Variants in ARPP21 observed in about 807,000 individuals in gnomAD.
The protein encoded by ARPP21 is cAMP-regulated phosphoprotein 21.
ARPP21 carries 69 observed loss-of-function variants against 113.2 expected under a neutral mutation model. The ratio of observed to expected loss-of-function variants is 0.61; its 90% confidence interval spans 0.50 to 0.74. ARPP21 has a LOEUF of 0.74. ARPP21 is among the 30% of genes least tolerant of loss of function. ARPP21 has a pLI of 0.00. For synonymous variants in ARPP21, 368 were observed against 375.5 expected (o/e 0.98, Z 0.23); for missense variants, 1,070 against 1,037.4 (o/e 1.03, Z -0.43).
chr3:35,780,516 G>A (rs1255973512), intron 19 of ARPP21, among the ~76,000 whole-genome samples: 1 of 152,040 alleles, frequency 6.6e-6, no homozygotes, highest in African/African-American at 2.4e-5. Flanking sequence ...AATGAACTAA[G>A]AGAGTAGAGA....
chr3:35,668,082 T>C (rs996479263), intron 1 of ARPP21, among the ~76,000 whole-genome samples: 4 of 151,696 alleles, frequency 2.6e-5, no homozygotes, highest in Non-Finnish European at 5.9e-5. Flanking sequence ...AACACAAATT[T>C]CCCTCTCAGG....
intron 1 of ARPP21, among the ~76,000 whole-genome samples, chr3:35,654,971 C>T (rs1297945190): frequency 1.3e-5 from 2 of 151,750 alleles, no homozygotes; most frequent in Non-Finnish European, 2.9e-5. Context: ...TCTTTGTTTT[C>T]CCATTTACCT....
At chr3:35,659,631 A>G (rs1427111362) in intron 1 of ARPP21, among the ~76,000 whole-genome samples, 1 of 152,204 alleles carries the variant, frequency 6.6e-6, no homozygotes, top group Non-Finnish European at 1.5e-5. Flanking sequence ...AGAGACATCA[A>G]GGTGAACACA....
In ARPP21 at chr3:35,794,028, A is replaced by G. The variant is rs542856154; in HGVS notation, c.*70A>G. 1.4e-6 allele frequency: 2 copies of G among 1,423,432 alleles called. No homozygotes were observed. The highest frequency in any genetic ancestry group is 1.4e-5 in the African/African-American group (1 of 70,718). The allele number at this position is 1,423,432 out of a possible 1,614,324, so 88.2% of individuals were successfully genotyped here. Reference sequence around the variant, plus strand: ...TTGATGGAAGAGGAACAAGGTGGGAAAACTGGCTGAGGACTTAAGTATTCA... The same window carrying G: ...TTGATGGAAGAGGAACAAGGTGGGAGAACTGGCTGAGGACTTAAGTATTCA... On this transcript the variant is annotated 3_prime_UTR_variant, in exon 21 of 21. Coordinates refer to ENST00000684406, the MANE Select transcript of ARPP21 (RefSeq NM_001385562.1).
chr3:35,661,763 T>C (rs1707926447), intron 1 of ARPP21, among the ~76,000 whole-genome samples: 1 of 152,180 alleles, frequency 6.6e-6, no homozygotes, highest in African/African-American at 2.4e-5. Context: ...TTGTATTTAT[T>C]GTGTTACCTT....
chr3:35,691,078 A>G (rs1271275373), intron 9 of ARPP21, 73 bp downstream of exon 9: 3 of 1,482,322 alleles, frequency 2.0e-6, no homozygotes, highest in Non-Finnish European at 1.8e-6. Flanking sequence ...TCACAGTATA[A>G]AATTCACAGT....
intron 1 of ARPP21, among the ~76,000 whole-genome samples, chr3:35,668,713 C>A (rs759388109): frequency 1.3e-5 from 2 of 152,130 alleles, no homozygotes; most frequent in Non-Finnish European, 2.9e-5. Flanking sequence ...GTGAGACTGA[C>A]TAAAAGTAGT....
At chr3:35,650,491 T>C (rs1189214877) in intron 1 of ARPP21, 2 of 152,122 alleles carry the variant, frequency 1.3e-5, no homozygotes, top group Non-Finnish European at 2.9e-5. Context: ...ATATCTTGGA[T>C]GATAAAGTAA....
At chr3:35,793,474 C>T (rs1272438821) in intron 20 of ARPP21, among the ~76,000 whole-genome samples, 1 of 152,170 alleles carries the variant, frequency 6.6e-6, no homozygotes, top group Non-Finnish European at 1.5e-5. Flanking sequence ...CCCTTCAATC[C>T]TTTCAATGGT....
At chr3:35,661,697 T>C (rs1167548263) in intron 1 of ARPP21, among the ~76,000 whole-genome samples, 1 of 152,218 alleles carries the variant, frequency 6.6e-6, no homozygotes, top group African/African-American at 2.4e-5. Context: ...AGAGTACTTT[T>C]GTAGGCAACA....
chr3:35,754,187 G>A (rs1034169868), intron 19 of ARPP21, among the ~76,000 whole-genome samples: 1 of 151,748 alleles, frequency 6.6e-6, no homozygotes, highest in Non-Finnish European at 1.5e-5. Flanking sequence ...AAGAGTTGAT[G>A]ATTCTTTAAA....
chr3:35,700,597 C>G (rs554915040), intron 9 of ARPP21, among the ~76,000 whole-genome samples: 5 of 151,356 alleles, frequency 3.3e-5, no homozygotes, highest in South Asian at 2.1e-4. Flanking sequence ...GATTAGAAAA[C>G]TTGCAAGAAA....
chr3:35,785,347 A>G (rs1358791224), intron 19 of ARPP21: 1 of 152,184 alleles, frequency 6.6e-6, no homozygotes, highest in Non-Finnish European at 1.5e-5. Flanking sequence ...TCAGCACAGC[A>G]CTATGGGCCA....
chr3:35,682,957 T>G lies in ARPP21; in HGVS notation c.171+68T>G, dbSNP rs2079413977. The G allele has an allele frequency of 4.9e-6, 7 of 1,418,476 alleles. No individual in the cohort carries two copies. The Admixed American group carries it at 1.4e-4, about 29-fold the overall frequency. 87.9% of individuals were successfully genotyped at this position (1,418,476 alleles called of 1,614,324 possible). ...TAAATTACATATTTTACATCAGAGT[T>G]AAAGGATTTGCCAGCATTTCAGATG... On this transcript the variant is annotated intron_variant, in intron 4 of 20. Coordinates refer to ENST00000684406, the MANE Select transcript of ARPP21 (RefSeq NM_001385562.1).
At chr3:35,743,716 G>T in intron 18 of ARPP21, 123 bp from the exon 19 acceptor site, 1 of 970,986 alleles carries the variant, frequency 1.0e-6, no homozygotes, top group East Asian at 2.5e-5. Flanking sequence ...ATAGGCATGG[G>T]AGAAGTTTGC....
chr3:35,681,640 G>A, intron 2 of ARPP21, 74 bp from the exon 3 acceptor site: 1 of 761,912 alleles, frequency 1.3e-6, no homozygotes, highest in Admixed American at 2.9e-5. Context: ...AATATGAAAG[G>A]AGAAATGAAA....
chr3:35,642,951 A>C (rs1698685832), intron 1 of ARPP21, among the ~76,000 whole-genome samples: 1 of 152,140 alleles, frequency 6.6e-6, no homozygotes, highest in African/African-American at 2.4e-5. Flanking sequence ...TATTTTAAAA[A>C]TATAAGTAGC....
At chr3:35,663,818 G>T (rs1272960316) in intron 1 of ARPP21, among the ~76,000 whole-genome samples, 1 of 152,126 alleles carries the variant, frequency 6.6e-6, no homozygotes, top group Non-Finnish European at 1.5e-5. Context: ...AATTGGATTT[G>T]GACCTGGAAT....
intron 19 of ARPP21, among the ~76,000 whole-genome samples, chr3:35,778,934 A>G (rs543118060): frequency 6.6e-6 from 1 of 152,226 alleles, no homozygotes; most frequent in African/African-American, 2.4e-5. Flanking sequence ...GTAATCCACT[A>G]TATGGCCTCC....
Sources: gnomAD v4.1 joint callset for allele counts (sites outside exome capture counted in the v4.1 genomes callset) on GRCh38, gnomAD v4.1.1 for gene constraint, MANE v1.5 for transcripts, NCBI Gene and HGNC (gene_info 2026-07-23, HGNC 2026-07-21) for gene names.